UTS2B: variants seen among roughly 807,000 people sequenced by gnomAD.
UTS2B encodes the protein urotensin-2B.
UTS2B carries 21 observed loss-of-function variants against 19.2 expected under a neutral mutation model. That is an observed-to-expected ratio of 1.09 (90% CI 0.78 to 1.58). The LOEUF is 1.58. Among genes scored for constraint, UTS2B ranks in the 40% most tolerant of loss-of-function variants. The pLI, the probability that UTS2B is intolerant of heterozygous loss-of-function variation, is 0.00. For missense variants in UTS2B, 138 were observed against 130.3 expected, an observed-to-expected ratio of 1.06 and a Z score of -0.29; for synonymous variants, 57 against 50.2, an observed-to-expected ratio of 1.14 and a Z score of -0.58.
chr3:191,322,641 T>C (rs571659694), intron 2 of UTS2B, among the ~76,000 whole-genome samples: 1 of 152,206 alleles, frequency 6.6e-6, no homozygotes, highest in African/African-American at 2.4e-5. Context: ...GGACTGGAGA[T>C]ATGACAAATG....
At chr3:191,306,397 C>T (rs1278336234) in intron 3 of UTS2B, among the ~76,000 whole-genome samples, 1 of 152,182 alleles carries the variant, frequency 6.6e-6, no homozygotes, top group African/African-American at 2.4e-5. Flanking sequence ...AACCCTACCA[C>T]ATTTTATAAT....
intron 4 of UTS2B, among the ~76,000 whole-genome samples, chr3:191,297,742 A>G (rs186634737): frequency 1.8e-4 from 27 of 152,336 alleles, no homozygotes; most frequent in African/African-American, 5.8e-4. Flanking sequence ...TCAGCATTAC[A>G]CCTGGCACAT....
intron 8 of UTS2B, 63 bp downstream of exon 8, chr3:191,275,189 C>G: frequency 7.7e-7 from 1 of 1,303,192 alleles, no homozygotes; most frequent in Non-Finnish European, 1.1e-6. Flanking sequence ...TTCTTCCTCT[C>G]AGAAATTACT....
At chr3:191,278,973 T>C (rs1716311457) in intron 5 of UTS2B, among the ~76,000 whole-genome samples, 1 of 152,034 alleles carries the variant, frequency 6.6e-6, no homozygotes, top group Non-Finnish European at 1.5e-5. Flanking sequence ...GTATTAACTG[T>C]TAGAGTGTGA....
At chr3:191,309,116 T>C (rs1287840293) in intron 3 of UTS2B, among the ~76,000 whole-genome samples, 2 of 152,192 alleles carry the variant, frequency 1.3e-5, no homozygotes, top group Admixed American at 1.3e-4. Context: ...TGAATGGGTG[T>C]CCAGTGTTTC....
the UTS2B span, among the ~76,000 whole-genome samples, chr3:191,341,515 G>A: frequency 6.6e-6 from 1 of 152,050 alleles, no homozygotes; most frequent in Non-Finnish European, 1.5e-5. Context: ...ACAGATCCAG[G>A]TTGTTGCTCT....
intron 5 of UTS2B, among the ~76,000 whole-genome samples, chr3:191,280,025 A>G (rs886945516): frequency 2.0e-5 from 3 of 152,158 alleles, no homozygotes; most frequent in African/African-American, 7.2e-5. Flanking sequence ...AAAAGATGGC[A>G]AAGCTGCTCC....
intron 4 of UTS2B, among the ~76,000 whole-genome samples, chr3:191,283,837 T>C (rs767610508): frequency 2.0e-5 from 3 of 152,212 alleles, no homozygotes; most frequent in African/African-American, 7.2e-5. Flanking sequence ...TATTCTTCCA[T>C]AGCATTTCAA....
At chr3:191,319,543 CTTTTTT>C (rs1560147567) in intron 2 of UTS2B, among the ~76,000 whole-genome samples, 1 of 152,004 alleles carries the variant, frequency 6.6e-6, no homozygotes, top group African/African-American at 2.4e-5. Context: ...GGTATAGGTT[CTTTTTT>C]TAAAAGTCCT....
intron 7 of UTS2B, among the ~76,000 whole-genome samples, chr3:191,276,210 GGA>G (rs1200076614): frequency 6.6e-6 from 1 of 152,100 alleles, no homozygotes; most frequent in Non-Finnish European, 1.5e-5. Flanking sequence ...GGTTCAGCCT[GGA>G]CCACTCTTTA....
intron 4 of UTS2B, among the ~76,000 whole-genome samples, chr3:191,285,041 G>A (rs1716496523): frequency 6.6e-6 from 1 of 152,152 alleles, no homozygotes; most frequent in South Asian, 2.1e-4. Context: ...AACTTCAGAT[G>A]CTCTAATATT....
At chr3:191,290,807 C>T (rs1716692618) in intron 4 of UTS2B, among the ~76,000 whole-genome samples, 1 of 152,200 alleles carries the variant, frequency 6.6e-6, no homozygotes, top group African/African-American at 2.4e-5. Context: ...CTGACTATTT[C>T]TCACGATGAG....
At chr3:191,331,782 T>C (rs1392863990), upstream of UTS2B, among the ~76,000 whole-genome samples, 1 of 152,186 alleles carries the variant, frequency 6.6e-6, no homozygotes, top group East Asian at 1.9e-4. Context: ...GCCCAGTTAC[T>C]CCCTAACAGT....
chr3:191,312,906 C>G (rs1428870783), intron 3 of UTS2B, among the ~76,000 whole-genome samples: 1 of 152,052 alleles, frequency 6.6e-6, no homozygotes, highest in Non-Finnish European at 1.5e-5. Flanking sequence ...GATAACGAGG[C>G]ACAGAAATGA....
At chr3:191,310,681 T>C (rs571202747) in intron 3 of UTS2B, among the ~76,000 whole-genome samples, 2 of 151,894 alleles carry the variant, frequency 1.3e-5, no homozygotes, top group Non-Finnish European at 2.9e-5. Flanking sequence ...GCAAGTGGAA[T>C]AAAATCTCAG....
At chr3:191,289,357 G>C (rs998335451) in intron 4 of UTS2B, among the ~76,000 whole-genome samples, 1 of 151,204 alleles carries the variant, frequency 6.6e-6, no homozygotes, top group South Asian at 2.1e-4. Context: ...TGCAGTGAGT[G>C]GAGATTGCGC....
At chr3:191,296,101 G>A (rs79646471) in intron 4 of UTS2B, among the ~76,000 whole-genome samples, 4,732 of 152,064 alleles carry the variant, frequency 0.031, 168 homozygotes, top group East Asian at 0.14. Context: ...TACATTACCC[G>A]CCTTCACCCA....
chr3:191,292,594 C>G (rs1276769138), intron 4 of UTS2B, among the ~76,000 whole-genome samples: 1 of 152,100 alleles, frequency 6.6e-6, no homozygotes, highest in Non-Finnish European at 1.5e-5. Context: ...ATCATGTCAA[C>G]AAATAGAGAC....
chr3:191,290,811 C>A (rs367565401), intron 4 of UTS2B, among the ~76,000 whole-genome samples: 1 of 152,190 alleles, frequency 6.6e-6, no homozygotes, highest in Non-Finnish European at 1.5e-5. Flanking sequence ...CTATTTCTCA[C>A]GATGAGTGAC....
Sources: allele counts gnomAD v4.1 joint callset (sites outside exome capture counted in the v4.1 genomes callset), GRCh38; gene constraint gnomAD v4.1.1; transcripts MANE v1.5; gene names NCBI Gene and HGNC (gene_info 2026-07-23, HGNC 2026-07-21).